The following TIMP3 variants were observed in gnomAD, a reference collection of about 807,000 sequenced individuals.
TIMP3 encodes TIMP metallopeptidase inhibitor 3, also known as metalloproteinase inhibitor 3.
TIMP3 carries 11 observed loss-of-function variants against 30.0 expected under a neutral mutation model. That is an observed-to-expected ratio of 0.37 (90% CI 0.23 to 0.61). The LOEUF (loss-of-function observed/expected upper bound fraction) is 0.61, where lower values mean the gene tolerates loss of function less well. Among genes scored for constraint, TIMP3 ranks in the 20% least tolerant of loss-of-function variants. TIMP3 has a pLI of 0.70. For missense variants in TIMP3, 181 were observed against 276.8 expected (o/e 0.65, Z 2.45); for synonymous variants, 112 against 111.3 (o/e 1.01, Z -0.04).
At position 32,834,061 on chromosome 22, in the gene TIMP3, A is replaced by T. The variant is rs570671356; in HGVS notation, c.122-15391A>T. Among the ~76,000 whole-genome samples, 5 of 152,280 alleles carry T rather than the reference A, an allele frequency of 3.3e-5. No homozygotes were observed. The East Asian group carries it at 9.7e-4, about 29-fold the overall frequency. On this transcript the variant is annotated intron_variant, in intron 1 of 4. Transcript: ENST00000266085. Reference sequence around the variant, plus strand: ...GCTTATCCTCCGAGAGCACTGGCATATAATGGAAAATGTATTCCAATTTGT... The same window carrying T: ...GCTTATCCTCCGAGAGCACTGGCATTTAATGGAAAATGTATTCCAATTTGT...
At chr22:32,810,204 T>C (rs767486318) in intron 1 of TIMP3, among the ~76,000 whole-genome samples, 17 of 152,124 alleles carry the variant, frequency 1.1e-4, no homozygotes, top group Non-Finnish European at 2.2e-4. Context: ...GTTAAAAAAT[T>C]AGTGTTTGTA....
intron 1 of TIMP3, among the ~76,000 whole-genome samples, chr22:32,833,087 G>A (rs1398991340): frequency 6.6e-6 from 1 of 152,134 alleles, no homozygotes; most frequent in Admixed American, 6.5e-5. Context: ...ATAGATGATG[G>A]TGAAGTCTCA....
At chr22:32,811,761 A>C (rs2046922598) in intron 1 of TIMP3, among the ~76,000 whole-genome samples, 1 of 152,118 alleles carries the variant, frequency 6.6e-6, no homozygotes, top group Non-Finnish European at 1.5e-5. Flanking sequence ...TGGCTTAGCC[A>C]TATAGCCAAT....
At position 32,809,728 on chromosome 22, in the gene TIMP3, C is replaced by T. The variant is rs564875482; in HGVS notation, c.121+7606C>T. Among the ~76,000 whole-genome samples, 7 of 152,326 alleles carry T rather than the reference C, an allele frequency of 4.6e-5. No individual in the cohort carries two copies. In the East Asian group the frequency reaches 1.2e-3, roughly 25 times the overall value. On this transcript the variant is annotated intron_variant, in intron 1 of 4. Transcript: ENST00000266085. ...AATTAATTATAGCCGAAAGCAAGGA[C>T]GGTTGGTGTTTTCATAAGCCTGGGA...
intron 1 of TIMP3, among the ~76,000 whole-genome samples, chr22:32,818,008 A>G (rs185691597): frequency 1.1e-4 from 17 of 152,352 alleles, no homozygotes; most frequent in Admixed American, 3.9e-4. Context: ...ACAAATTTCA[A>G]GAGCTTCAGA....
chr22:32,807,330 ATTT>A (rs1361232457), intron 1 of TIMP3, among the ~76,000 whole-genome samples: 3 of 68,738 alleles, frequency 4.4e-5, no homozygotes, highest in Non-Finnish European at 7.7e-5. Flanking sequence ...TAAATATATA[ATTT>A]ATATATAATA....
intron 1 of TIMP3, among the ~76,000 whole-genome samples, chr22:32,844,841 G>A (rs958496091): frequency 3.3e-5 from 5 of 151,918 alleles, no homozygotes; most frequent in African/African-American, 1.2e-4. Flanking sequence ...CTCCTGAGTA[G>A]CTGAGACTAC....
chr22:32,816,014 C>T (rs1451261557), intron 1 of TIMP3, among the ~76,000 whole-genome samples: 3 of 152,148 alleles, frequency 2.0e-5, no homozygotes, highest in Non-Finnish European at 4.4e-5. Flanking sequence ...GTTTTTGACC[C>T]CAGCACTGAT....
chr22:32,817,240 G>A (rs1334534920), intron 1 of TIMP3, among the ~76,000 whole-genome samples: 1 of 152,018 alleles, frequency 6.6e-6, no homozygotes, highest in Non-Finnish European at 1.5e-5. Flanking sequence ...ATGTTATTTG[G>A]GAGAGCTGTT....
At chr22:32,858,196 C>T (rs1454040632) in intron 4 of TIMP3, 58 bp downstream of exon 4, 2 of 1,602,994 alleles carry the variant, frequency 1.2e-6, no homozygotes, top group Non-Finnish European at 1.7e-6. Flanking sequence ...GCCCTAGAAA[C>T]ATCAGCTCCC....
intron 1 of TIMP3, among the ~76,000 whole-genome samples, chr22:32,844,177 G>A (rs534371237): frequency 2.0e-5 from 3 of 152,190 alleles, no homozygotes; most frequent in South Asian, 2.1e-4. Context: ...GGGAAGAAGG[G>A]TCTGGATTTG....
chr22:32,841,516 G>A (rs2047900994), intron 1 of TIMP3, among the ~76,000 whole-genome samples: 1 of 152,180 alleles, frequency 6.6e-6, no homozygotes, highest in Non-Finnish European at 1.5e-5. Context: ...AAGGCCATGA[G>A]AGCCCCGGGT....
chr22:32,802,158 T>G (rs1337953685), intron 1 of TIMP3, 36 bp downstream of exon 1: 1 of 1,564,710 alleles, frequency 6.4e-7, no homozygotes, highest in Non-Finnish European at 8.6e-7. Flanking sequence ...AGCCCCACGC[T>G]GCAGCCAGGA....
At chr22:32,820,963 T>A (rs773665882) in intron 1 of TIMP3, among the ~76,000 whole-genome samples, 1 of 152,132 alleles carries the variant, frequency 6.6e-6, no homozygotes, top group Non-Finnish European at 1.5e-5. Context: ...GGCTTCAAGG[T>A]CTCTGAGCCA....
At chr22:32,827,952 G>GC (rs1268168968) in intron 1 of TIMP3, among the ~76,000 whole-genome samples, 4 of 152,092 alleles carry the variant, frequency 2.6e-5, no homozygotes, top group Admixed American at 2.6e-4. Flanking sequence ...GGCCTTCCTT[G>GC]CCTCCCTTCC....
At chr22:32,857,385 G>T in intron 3 of TIMP3, 25 bp downstream of exon 3, 1 of 1,588,838 alleles carries the variant, frequency 6.3e-7, no homozygotes, top group Non-Finnish European at 8.6e-7. Flanking sequence ...TAGCTTCTAG[G>T]CCAGGGTTTG....
intron 2 of TIMP3, among the ~76,000 whole-genome samples, chr22:32,856,949 C>T (rs2048386190): frequency 6.6e-6 from 1 of 152,216 alleles, no homozygotes; most frequent in East Asian, 1.9e-4. Context: ...CTTAGCAAAA[C>T]GACCTCCAGT....
intron 1 of TIMP3, among the ~76,000 whole-genome samples, chr22:32,810,397 G>C (rs1252883081): frequency 2.6e-5 from 4 of 152,124 alleles, no homozygotes; most frequent in South Asian, 4.1e-4. Flanking sequence ...AACTATAAGT[G>C]TTTCCAAGCC....
intron 1 of TIMP3, among the ~76,000 whole-genome samples, chr22:32,836,445 T>C (rs2047731648): frequency 6.6e-6 from 1 of 152,212 alleles, no homozygotes; most frequent in Non-Finnish European, 1.5e-5. Context: ...AGTTCTGCCA[T>C]TACCCACTTT....
Sources: gnomAD v4.1 joint callset for allele counts (sites outside exome capture counted in the v4.1 genomes callset) on GRCh38, gnomAD v4.1.1 for gene constraint, MANE v1.5 for transcripts, NCBI Gene and HGNC (gene_info 2026-07-23, HGNC 2026-07-21) for gene names.